Variants in SH3GL3 observed in about 807,000 individuals in gnomAD.
SH3GL3 encodes endophilin-A3.
A neutral mutation model predicts 47.7 loss-of-function variants in SH3GL3; 33 were observed. The ratio of observed to expected loss-of-function variants is 0.69; its 90% CI spans 0.52 to 0.92. SH3GL3 has a LOEUF of 0.92. SH3GL3 is among the 40% of genes least tolerant of loss of function. The pLI is 0.00. For synonymous variants in SH3GL3, 155 were observed against 148.8 expected (o/e 1.04, Z -0.30); for missense variants, 363 against 417.8 (o/e 0.87, Z 1.14).
chr15:83,447,825 C>G lies in SH3GL3; in HGVS notation c.45+247C>G, dbSNP rs989773730. ...GCCGTTGTAAATCGGAGAGATTCTG[C>G]GGAGCGGAGGGCAGAGGTGGCGGCC... is the stretch of plus-strand genomic sequence containing the variant. On this transcript the variant is annotated intron_variant, in intron 1 of 8. Transcript: ENST00000427482. The surrounding 1 kb of genome is among the most constrained non-coding windows in gnomAD (Gnocchi z 5.1). Among the ~76,000 whole-genome samples the G allele has an allele frequency of 2.0e-5, 3 of 152,090 alleles. No individual in the cohort carries two copies. The highest frequency in any genetic ancestry group is 4.4e-5 in the Non-Finnish European group (3 of 67,994).
Position 83,618,096 on chromosome 15 carries a change from A to C in SH3GL3, c.853A>C (p.Met285Leu). Reference sequence around the variant, plus strand: ...CATGTGGACAGGTTCTAACATTCCCATGGACCAGCCCTGCTGTCGTGGTCT... The same window carrying C: ...CATGTGGACAGGTTCTAACATTCCCCTGGACCAGCCCTGCTGTCGTGGTCT... ...VVKTTGSNIP[M>L]DQPCCRGLYD... is the part of the protein sequence containing the mutation. The change falls in exon 9 of 9, where the codon ATG becomes CTG. Residue 285 changes from methionine to leucine, a missense_variant. By Grantham distance (15) the Met-to-Leu change is conservative. Transcript: ENST00000427482. 9 of 1,612,848 alleles carry C rather than the reference A, an allele frequency of 5.6e-6. No homozygotes were observed. The highest frequency in any genetic ancestry group is 6.8e-6 in the Non-Finnish European group (8 of 1,178,790).
chr15:83,566,363 AGAGTGTGTGT>A (rs1225519649), intron 3 of SH3GL3, among the ~76,000 whole-genome samples: 45 of 128,260 alleles, frequency 3.5e-4, no homozygotes, highest in Admixed American at 1.6e-4. Context: ...AGAGAGAGAG[AGAGTGTGTGT>A]GTGTGTGTGT....
chr15:83,558,627 A>G (rs1049483089), intron 1 of SH3GL3, among the ~76,000 whole-genome samples: 1 of 152,202 alleles, frequency 6.6e-6, no homozygotes, highest in East Asian at 1.9e-4. Flanking sequence ...TACAAATATC[A>G]ATAAAGCCGA....
At chr15:83,472,177 C>CCCGG (rs1373967699) in intron 1 of SH3GL3, among the ~76,000 whole-genome samples, 1 of 152,216 alleles carries the variant, frequency 6.6e-6, no homozygotes, top group Non-Finnish European at 1.5e-5. Flanking sequence ...AGCCACTGTG[C>CCCGG]CCGGCTGGAT....
intron 8 of SH3GL3, among the ~76,000 whole-genome samples, chr15:83,617,552 T>C (rs2060857130): frequency 6.6e-6 from 1 of 152,174 alleles, no homozygotes; most frequent in Non-Finnish European, 1.5e-5. Flanking sequence ...GGCGCATGCC[T>C]GTAGTCCCAG....
chr15:83,494,732 G>T (rs2042012852), intron 1 of SH3GL3, among the ~76,000 whole-genome samples: 2 of 152,020 alleles, frequency 1.3e-5, no homozygotes, highest in Non-Finnish European at 2.9e-5. Flanking sequence ...TAGTAGAGAT[G>T]GGGTTTCACC....
intron 1 of SH3GL3, among the ~76,000 whole-genome samples, chr15:83,501,866 G>C (rs2042310094): frequency 6.6e-6 from 1 of 152,012 alleles, no homozygotes; most frequent in Admixed American, 6.6e-5. Context: ...ACTCCAGCCT[G>C]GGCGACAGAG....
chr15:83,598,740 T>G lies in SH3GL3; in HGVS notation c.838+9969T>G, dbSNP rs56934478. On this transcript the variant is annotated intron_variant, in intron 8 of 8. Transcript: ENST00000427482. ...CAATTTCAAGGAGATAAGCTACAGT[T>G]TTGTGCTGGAGTATTTTTAATGTTC... is the stretch of plus-strand genomic sequence containing the variant. 3.3e-3 allele frequency among the ~76,000 whole-genome samples: 503 copies of G among 152,278 alleles called. 6 individuals are homozygous for G. The highest frequency in any genetic ancestry group is 0.011 in the African/African-American group (476 of 41,566).
rs1445383340 is a variant in SH3GL3, at chr15:83,455,986, C to T, written c.45+8408C>T. On this transcript the variant is annotated intron_variant, in intron 1 of 8. Coordinates refer to ENST00000427482, the MANE Select transcript of SH3GL3 (RefSeq NM_003027.5). Reference sequence around the variant, plus strand: ...TGATGGTGATGTACAGATGGGTTTTCGGTGTAGATGTCCTTTCTGGTTGTT... The same window carrying T: ...TGATGGTGATGTACAGATGGGTTTTTGGTGTAGATGTCCTTTCTGGTTGTT... 3.0e-4 allele frequency among the ~76,000 whole-genome samples: 15 copies of T among 49,386 alleles called. 1 individual carries two copies. Among genetic ancestry groups the T allele is most frequent in the Admixed American group, 1.4e-3 (7 of 5,148 alleles). The allele number at this position is 49,386 out of a possible 152,430, so 32.4% of individuals were successfully genotyped here. A position where few individuals can be genotyped will look rare whatever the true frequency, so the allele number is the denominator to read the frequency against.
At chr15:83,536,305 A>G (rs1453348347) in intron 1 of SH3GL3, among the ~76,000 whole-genome samples, 1 of 152,104 alleles carries the variant, frequency 6.6e-6, no homozygotes, top group Non-Finnish European at 1.5e-5. Flanking sequence ...CACTCAGCCA[A>G]GACTGGGTGG....
intron 4 of SH3GL3, among the ~76,000 whole-genome samples, chr15:83,569,526 A>G (rs2045714720): frequency 6.6e-6 from 1 of 152,238 alleles, no homozygotes; most frequent in African/African-American, 2.4e-5. Context: ...CATGTCTAGT[A>G]TAAAATTGCT....
At chr15:83,585,674 T>C (rs1262449140) in intron 6 of SH3GL3, among the ~76,000 whole-genome samples, 1 of 152,180 alleles carries the variant, frequency 6.6e-6, no homozygotes, top group East Asian at 1.9e-4. Flanking sequence ...CCAGGCTGTC[T>C]TTGTTTTGTT....
the SH3GL3 span, among the ~76,000 whole-genome samples, chr15:83,631,143 C>A: frequency 6.6e-6 from 1 of 152,176 alleles, no homozygotes; most frequent in Non-Finnish European, 1.5e-5. Context: ...AAAATGATCT[C>A]ATTTGATTCC....
chr15:83,492,710 G>C (rs561759160), intron 1 of SH3GL3, among the ~76,000 whole-genome samples: 90 of 152,350 alleles, frequency 5.9e-4, no homozygotes, highest in African/African-American at 2.1e-3. Flanking sequence ...AAATACCCCA[G>C]CTTCCTTCCC....
rs113682267 is a variant in SH3GL3, at chr15:83,491,361, CT to C, written c.45+43784del. On this transcript the variant is annotated intron_variant, in intron 1 of 8. Transcript: ENST00000427482. The stretch of plus-strand genomic sequence containing the variant: ...GTGTTGTATGAAATACTTCATTGGA[CT>C]GAATTGTCCTCTGAATTTAATGTTA... Among the ~76,000 whole-genome samples, 81 of 152,330 alleles carry C rather than the reference CT, an allele frequency of 5.3e-4. 1 individual carries two copies. Among genetic ancestry groups the C allele is most frequent in the African/African-American group, 1.9e-3 (77 of 41,580 alleles).
At chr15:83,490,818 A>G (rs1433755314) in intron 1 of SH3GL3, 1 of 1,614,164 alleles carries the variant, frequency 6.2e-7, no homozygotes, top group Admixed American at 1.7e-5. Flanking sequence ...ACTCTCTTAA[A>G]TCAGAAGATG....
intron 8 of SH3GL3, among the ~76,000 whole-genome samples, chr15:83,617,584 G>A (rs960104896): frequency 2.0e-5 from 3 of 152,176 alleles, no homozygotes; most frequent in African/African-American, 4.8e-5. Context: ...GCTGAGGCAC[G>A]AAAATTTCTT....
chr15:83,524,354 G>T (rs2043330825), intron 1 of SH3GL3, among the ~76,000 whole-genome samples: 1 of 152,292 alleles, frequency 6.6e-6, no homozygotes. Flanking sequence ...CCTTTCACAT[G>T]TAACTTTCTG....
chr15:83,500,144 G>T lies in SH3GL3; in HGVS notation c.45+52566G>T, dbSNP rs76044145. 9.6e-3 allele frequency among the ~76,000 whole-genome samples: 1,458 copies of T among 152,238 alleles called. 30 individuals carry two copies. The highest frequency in any genetic ancestry group is 0.033 in the African/African-American group (1,364 of 41,540). ...TTCTGAGTCCAGGCCCTAATCTCCA[G>T]TCAGTAACATGGAGCTTGACTTTAT... On this transcript the variant is annotated intron_variant, in intron 1 of 8. Coordinates refer to ENST00000427482, the MANE Select transcript of SH3GL3 (RefSeq NM_003027.5).
Sources: allele counts gnomAD v4.1 joint callset (sites outside exome capture counted in the v4.1 genomes callset), GRCh38; gene constraint gnomAD v4.1.1; non-coding constraint Gnocchi (gnomAD v3.1); transcripts MANE v1.5; gene names NCBI Gene and HGNC (gene_info 2026-07-23, HGNC 2026-07-21).